Variants in CMAS observed in about 807,000 individuals in gnomAD.
The protein encoded by CMAS is N-acylneuraminate cytidylyltransferase.
A neutral mutation model predicts 53.4 loss-of-function variants in CMAS; 21 were observed. The observed-to-expected ratio is 0.39, with a 90% CI of 0.28 to 0.57. CMAS has a LOEUF of 0.57. CMAS is among the 20% of genes least tolerant of loss of function. The pLI, the probability that CMAS is intolerant of heterozygous loss-of-function variation, is 0.56. For synonymous variants in CMAS, 189 were observed against 195.2 expected (o/e 0.97, Z 0.27); for missense variants, 384 against 534.9 (o/e 0.72, Z 2.78).
intron 4 of CMAS, among the ~76,000 whole-genome samples, chr12:22,060,470 C>A (rs1950301693): frequency 6.7e-6 from 1 of 149,832 alleles, no homozygotes; most frequent in Admixed American, 6.7e-5. Flanking sequence ...GGCAACATAG[C>A]AAGATCTTAT....
chr12:22,064,813 T>C (rs1031062312), intron 7 of CMAS, among the ~76,000 whole-genome samples: 3 of 152,194 alleles, frequency 2.0e-5, no homozygotes, highest in African/African-American at 7.2e-5. Flanking sequence ...AATGAAAAAT[T>C]TAAATAACTT....
At position 22,058,637 on chromosome 12, in the gene CMAS, A is replaced by G; in HGVS notation, c.630A>G (p.Glu210=). 6.2e-7 allele frequency: 1 copy of G among 1,613,912 alleles called. No individual in the cohort carries two copies. Among genetic ancestry groups the G allele is most frequent in the Admixed American group, 1.7e-5 (1 of 59,992 alleles). Residue 210 remains glutamate (E), a synonymous_variant, in exon 4 of 8, where the codon GAA becomes GAG. Coordinates refer to ENST00000229329, the MANE Select transcript of CMAS (RefSeq NM_018686.6). ...KRPRRQDWDG[E]LYENGSFYFA... The stretch of plus-strand genomic sequence containing the variant: ...CTCGTCGACAAGACTGGGATGGAGA[A>G]TTATATGAAAATGGCTCATTTTATT...
chr12:22,064,041 T>C (rs1181270851), intron 7 of CMAS: 1 of 152,160 alleles, frequency 6.6e-6, no homozygotes, highest in Non-Finnish European at 1.5e-5. Context: ...ATTTAGTAAA[T>C]AGAGCTTAAA....
Position 22,046,311 on chromosome 12 carries a change from C to T in CMAS, c.8C>T (p.Ser3Leu), listed in dbSNP as rs1484040782. Residue 3 changes from serine to leucine, a missense_variant, in exon 1 of 8, where the codon TCG becomes TTG. Coordinates refer to ENST00000229329, the MANE Select transcript of CMAS (RefSeq NM_018686.6). ...AGAAGGCGTGGGAGGAAGATGGACT[C>T]GGTGGAGAAGGGGGCCGCCACCTCC... MD[S>L]VEKGAATSVS... 3 of 1,474,128 alleles carry T rather than the reference C, an allele frequency of 2.0e-6. No homozygotes were observed. The highest frequency in any genetic ancestry group is 1.8e-6 in the Non-Finnish European group (2 of 1,111,096). The allele number at this position is 1,474,128 out of a possible 1,614,324, so 91.3% of individuals were successfully genotyped here. A position where few individuals can be genotyped will look rare whatever the true frequency, so the allele number is the denominator to read the frequency against.
At chr12:22,064,325 G>A (rs576344306) in intron 7 of CMAS, among the ~76,000 whole-genome samples, 1 of 152,182 alleles carries the variant, frequency 6.6e-6, no homozygotes, top group African/African-American at 2.4e-5. Context: ...CGTTATGTCA[G>A]TATGATTTAG....
intron 1 of CMAS, among the ~76,000 whole-genome samples, chr12:22,050,296 TCA>T (rs1950232984): frequency 6.6e-6 from 1 of 152,248 alleles, no homozygotes; most frequent in African/African-American, 2.4e-5. Flanking sequence ...TCTCTGTGCC[TCA>T]GTCTCTTCAT....
At position 22,046,221 on chromosome 12, in the gene CMAS, C is replaced by A. The variant is rs1315284135; in HGVS notation, c.-83C>A. ...ACGGCCGCGCGCGCCAGCTGCCAGG[C>A]GGGGATCGGGCGGCGCCGAGCTGAG... On this transcript the variant is annotated 5_prime_UTR_variant, in exon 1 of 8. Transcript: ENST00000229329. 1 of 1,313,230 alleles carries A rather than the reference C, an allele frequency of 7.6e-7. No individual in the cohort carries two copies. Among genetic ancestry groups the A allele is most frequent in the Non-Finnish European group, 9.9e-7 (1 of 1,009,540 alleles). The allele number at this position is 1,313,230 out of a possible 1,614,324, so 81.3% of individuals were successfully genotyped here.
chr12:22,064,221 G>C (rs938012321), intron 7 of CMAS, among the ~76,000 whole-genome samples: 1 of 152,048 alleles, frequency 6.6e-6, no homozygotes, highest in African/African-American at 2.4e-5. Context: ...TATAGTAATA[G>C]TTTTACTCAG....
Position 22,055,456 on chromosome 12 carries a change from G to A in CMAS, c.405G>A (p.Glu135=). Residue 135 remains glutamate (E), a splice_region_variant and synonymous_variant, in exon 3 of 8, where the codon GAG becomes GAA. Coordinates refer to ENST00000229329, the MANE Select transcript of CMAS (RefSeq NM_018686.6). ...AIIEFLNYHN[E]VDIVGNIQAT... ...TTTCATTTCTCTTGTCTTTTTAAGA[G>A]GTTGACATTGTAGGAAATATTCAAG... The A allele has an allele frequency of 1.9e-6, 3 of 1,583,124 alleles. No homozygotes were observed. The highest frequency in any genetic ancestry group is 2.6e-6 in the Non-Finnish European group (3 of 1,170,306).
Position 22,054,618 on chromosome 12 carries a change from C to CT in CMAS, c.261-531_261-530insT, listed in dbSNP as rs371696880. Among the ~76,000 whole-genome samples, 760 of 130,494 alleles carry CT rather than the reference C, an allele frequency of 5.8e-3. 7 individuals carry two copies. The highest frequency in any genetic ancestry group is 9.6e-3 in the Non-Finnish European group (553 of 57,596). 85.6% of individuals were successfully genotyped at this position (130,494 alleles called of 152,430 possible). ...CTTTAGGGTTTGGCTAAGCCAAGTC[C>CT]ATTTTTTTTTTTTTAGCAAGCATAT... On this transcript the variant is annotated intron_variant, in intron 1 of 7. Coordinates refer to ENST00000229329, the MANE Select transcript of CMAS (RefSeq NM_018686.6).
rs1242835158 is a variant in CMAS, at chr12:22,050,968, A to G, written c.261-4181A>G. On this transcript the variant is annotated intron_variant, in intron 1 of 7. Transcript: ENST00000229329. Reference sequence around the variant, plus strand: ...CTTTGGAGCACCCTTCCTGCCTCCTACCCTCTCTTTTGTTTCTTCAAAAAA... The same window carrying G: ...CTTTGGAGCACCCTTCCTGCCTCCTGCCCTCTCTTTTGTTTCTTCAAAAAA... 3.9e-5 allele frequency among the ~76,000 whole-genome samples: 6 copies of G among 152,120 alleles called. No individual in the cohort carries two copies. The South Asian group carries it at 1.0e-3, about 26-fold the overall frequency.
chr12:22,058,241 A>G (rs550315397), intron 3 of CMAS, among the ~76,000 whole-genome samples: 1 of 151,550 alleles, frequency 6.6e-6, no homozygotes, highest in South Asian at 2.1e-4. Flanking sequence ...CCCGGACAAC[A>G]TGGTGAAACC....
At chr12:22,057,240 T>C (rs11046280) in intron 3 of CMAS, among the ~76,000 whole-genome samples, 31,269 of 117,214 alleles carry the variant, frequency 0.27, 3,838 homozygotes, top group East Asian at 0.5. Context: ...CACACACACA[T>C]ACACACACAC....
chr12:22,061,023 G>C, intron 5 of CMAS, 97 bp downstream of exon 5: 1 of 822,710 alleles, frequency 1.2e-6, no homozygotes. Context: ...TAGGATCTTT[G>C]TAATTACTTT....
rs990171113 is a variant in CMAS at position 22,060,750 on chromosome 12, C to A, written c.694-82C>A. 37 of 779,674 alleles carry A rather than the reference C, an allele frequency of 4.7e-5. No individual in the cohort carries two copies. In the East Asian group the frequency reaches 8.8e-4, roughly 19 times the overall value. The allele number at this position is 779,674 out of a possible 1,614,324, so 48.3% of individuals were successfully genotyped here. A position where few individuals can be genotyped will look rare whatever the true frequency, so the allele number is the denominator to read the frequency against. Reference sequence around the variant, plus strand: ...TTTCTCAGTACTGTAGAAATGAATTCATTGTTCTGTATTATAATAAAGTTT... The same window carrying A: ...TTTCTCAGTACTGTAGAAATGAATTAATTGTTCTGTATTATAATAAAGTTT... On this transcript the variant is annotated intron_variant, in intron 4 of 7. Transcript: ENST00000229329.
Position 22,065,382 on chromosome 12 carries a change from T to G in CMAS, c.*71T>G, listed in dbSNP as rs139686165. 2.2e-3 allele frequency: 2,598 copies of G among 1,189,456 alleles called. 45 individuals carry two copies. The African/African-American group carries it at 0.034, about 16-fold the overall frequency. 73.7% of individuals were successfully genotyped at this position (1,189,456 alleles called of 1,614,324 possible). The stretch of plus-strand genomic sequence containing the variant: ...CAGTTTGCTTTTATTTTTGATTAAG[T>G]AAATTCCATGTTGTAATGTTACAGA... On this transcript the variant is annotated 3_prime_UTR_variant, in exon 8 of 8. Transcript: ENST00000229329.
intron 1 of CMAS, 72 bp from the exon 2 acceptor site, chr12:22,055,077 G>T: frequency 8.5e-7 from 1 of 1,176,170 alleles, no homozygotes; most frequent in South Asian, 1.8e-5. Context: ...GTATTTTATG[G>T]TTACAGAGCT....
rs1369285298 is a variant in CMAS at position 22,046,456 on chromosome 12, C to T, written c.153C>T (p.Ala51=). The change falls in exon 1 of 8, where the codon GCC becomes GCT. Residue 51 remains alanine (A), a synonymous_variant. Transcript: ENST00000229329. The stretch of plus-strand genomic sequence containing the variant: ...CGCACCTGGCAGCCCTAATTCTGGC[C>T]CGGGGAGGCAGCAAAGGCATCCCCC... The part of the protein sequence containing the change: ...KPPHLAALIL[A]RGGSKGIPLK... 1.2e-6 allele frequency: 2 copies of T among 1,610,092 alleles called. No individual in the cohort carries two copies. The highest frequency in any genetic ancestry group is 1.7e-6 in the Non-Finnish European group (2 of 1,178,690).
At chr12:22,052,999 A>C (rs936214422) in intron 1 of CMAS, among the ~76,000 whole-genome samples, 1 of 152,232 alleles carries the variant, frequency 6.6e-6, no homozygotes. Flanking sequence ...GAGCATAGAC[A>C]AACATGCAGT....
Sources: allele counts gnomAD v4.1 joint callset (sites outside exome capture counted in the v4.1 genomes callset), GRCh38; gene constraint gnomAD v4.1.1; transcripts MANE v1.5; gene names NCBI Gene and HGNC (gene_info 2026-07-23, HGNC 2026-07-21).